Variants in SEM1 observed in about 807,000 individuals in gnomAD.
SEM1 encodes the protein SEM1 26S proteasome subunit.
Under a neutral mutation model 12.7 loss-of-function variants are expected in SEM1, and 3 were observed. That is an observed-to-expected ratio of 0.24 (90% CI 0.11 to 0.61). The LOEUF is 0.61. SEM1 is among the 20% of genes least tolerant of loss of function. The pLI is 0.88. For synonymous variants in SEM1, 30 were observed against 27.8 expected, an observed-to-expected ratio of 1.08 and a Z score of -0.25; for missense variants, 59 against 81.3, an observed-to-expected ratio of 0.73 and a Z score of 1.06.
chr7:96,626,076 A>G (rs911501110), intron 2 of SEM1, among the ~76,000 whole-genome samples: 1 of 152,148 alleles, frequency 6.6e-6, no homozygotes, highest in African/African-American at 2.4e-5. Flanking sequence ...TTTTGCCTAT[A>G]GTCACCCTGT....
intron 1 of SEM1, among the ~76,000 whole-genome samples, chr7:96,700,127 TTC>T (rs948060607): frequency 6.6e-6 from 1 of 152,184 alleles, no homozygotes; most frequent in African/African-American, 2.4e-5. Flanking sequence ...GCTAATACCA[TTC>T]TCTCTGTACT....
intron 2 of SEM1, among the ~76,000 whole-genome samples, chr7:96,550,496 T>C (rs958685759): frequency 6.6e-6 from 1 of 152,220 alleles, no homozygotes; most frequent in Non-Finnish European, 1.5e-5. Flanking sequence ...TTGGACACTC[T>C]TGTAGGCTGT....
chr7:96,657,017 C>T (rs1431357174), intron 2 of SEM1, among the ~76,000 whole-genome samples: 1 of 151,982 alleles, frequency 6.6e-6, no homozygotes, highest in Non-Finnish European at 1.5e-5. Flanking sequence ...GAAATATTGT[C>T]GTAAGCCCTT....
At chr7:96,607,139 C>T (rs1208345944) in intron 2 of SEM1, among the ~76,000 whole-genome samples, 1 of 152,168 alleles carries the variant, frequency 6.6e-6, no homozygotes, top group Non-Finnish European at 1.5e-5. Flanking sequence ...AGAAACTGCT[C>T]TAGGTGCTGA....
intron 2 of SEM1, among the ~76,000 whole-genome samples, chr7:96,587,171 A>G (rs916477034): frequency 2.0e-5 from 3 of 152,196 alleles, no homozygotes; most frequent in Admixed American, 2.0e-4. Context: ...AGATTTTTTT[A>G]AAAATAGGAG....
intron 1 of SEM1, among the ~76,000 whole-genome samples, chr7:96,708,864 T>A (rs1384595639): frequency 6.6e-6 from 1 of 152,172 alleles, no homozygotes; most frequent in East Asian, 1.9e-4. Context: ...GACAAGTTCC[T>A]GAAAACAACA....
chr7:96,696,020 A>G (rs540731116), intron 1 of SEM1: 10 of 152,140 alleles, frequency 6.6e-5, no homozygotes, highest in Non-Finnish European at 1.5e-4. Context: ...TGTTATTTCA[A>G]TAGTTATTAA....
intron 2 of SEM1, among the ~76,000 whole-genome samples, chr7:96,533,797 G>A (rs1353026686): frequency 2.0e-5 from 3 of 151,924 alleles, no homozygotes; most frequent in Admixed American, 6.6e-5. Flanking sequence ...TGAACTGATG[G>A]TTCAAAAGCA....
intron 1 of SEM1, among the ~76,000 whole-genome samples, chr7:96,701,232 A>C (rs1352763135): frequency 1.3e-5 from 2 of 151,998 alleles, no homozygotes; most frequent in Admixed American, 1.3e-4. Context: ...AAATCTTTGT[A>C]CCCTGGCCCC....
intron 2 of SEM1, among the ~76,000 whole-genome samples, chr7:96,603,065 T>C (rs1807240603): frequency 6.6e-6 from 1 of 152,186 alleles, no homozygotes; most frequent in Admixed American, 6.5e-5. Context: ...ATAATAAGTT[T>C]AGTTTTTAAC....
At chr7:96,602,004 A>C (rs1339271071) in intron 2 of SEM1, among the ~76,000 whole-genome samples, 1 of 152,170 alleles carries the variant, frequency 6.6e-6, no homozygotes, top group Non-Finnish European at 1.5e-5. Context: ...GCCATCAGGG[A>C]GATGGGGAGA....
At position 96,611,342 on chromosome 7, in the gene SEM1, C is replaced by T. The variant is rs79049039; in HGVS notation, c.170+83456G>A. Among the ~76,000 whole-genome samples the T allele has an allele frequency of 2.0e-5, 3 of 152,150 alleles. No homozygotes were observed. The South Asian group carries it at 6.2e-4, about 32-fold the overall frequency. On this transcript the variant is annotated intron_variant and NMD_transcript_variant, in intron 2 of 3. Coordinates refer to the SEM1 transcript ENST00000466986. ...CCTGTTGACAGTTTATTGGATAAACCCAGCTATCAAATTTAGGAAGGTAGA... is the reference window on the plus strand; with the variant it reads ...CCTGTTGACAGTTTATTGGATAAACTCAGCTATCAAATTTAGGAAGGTAGA...
chr7:96,522,693 C>T (rs868341799), intron 2 of SEM1, among the ~76,000 whole-genome samples: 15 of 147,734 alleles, frequency 1.0e-4, no homozygotes, highest in African/African-American at 3.5e-4. Context: ...GCCTGACCAA[C>T]ATGGAGAAAC....
chr7:96,553,181 A>C (rs1805350337), intron 2 of SEM1, among the ~76,000 whole-genome samples: 1 of 150,386 alleles, frequency 6.6e-6, no homozygotes, highest in Non-Finnish European at 1.5e-5. Context: ...TTTGCTGTGC[A>C]GAAGCTCTTT....
intron 2 of SEM1, among the ~76,000 whole-genome samples, chr7:96,665,367 A>G (rs1163004719): frequency 3.3e-5 from 5 of 152,176 alleles, no homozygotes; most frequent in Non-Finnish European, 5.9e-5. Flanking sequence ...TTTTGAAGGT[A>G]TATTTCCCGC....
intron 2 of SEM1, among the ~76,000 whole-genome samples, chr7:96,676,755 A>G (rs1789459641): frequency 6.6e-6 from 1 of 152,192 alleles, no homozygotes; most frequent in South Asian, 2.1e-4. Context: ...AAATTTATAC[A>G]GAGGATCTAT....
intron 2 of SEM1, among the ~76,000 whole-genome samples, chr7:96,534,697 A>G (rs935332761): frequency 6.6e-6 from 1 of 152,054 alleles, no homozygotes; most frequent in African/African-American, 2.4e-5. Context: ...CACATACTTC[A>G]ATCAAAACAA....
chr7:96,689,210 T>C (rs1425828873), intron 2 of SEM1, among the ~76,000 whole-genome samples: 4 of 152,134 alleles, frequency 2.6e-5, no homozygotes, highest in Non-Finnish European at 5.9e-5. Context: ...AATTTTCTTA[T>C]AAGTCTATTT....
chr7:96,652,266 T>A (rs985139515), intron 2 of SEM1, among the ~76,000 whole-genome samples: 4 of 152,178 alleles, frequency 2.6e-5, no homozygotes, highest in African/African-American at 7.2e-5. Flanking sequence ...TTGTATTTCT[T>A]CTGTTGTATA....
Sources: gnomAD v4.1 joint callset for allele counts (sites outside exome capture counted in the v4.1 genomes callset) on GRCh38, gnomAD v4.1.1 for gene constraint, MANE v1.5 for transcripts, NCBI Gene and HGNC (gene_info 2026-07-23, HGNC 2026-07-21) for gene names.